SEMA6D: variants seen among roughly 807,000 people sequenced by gnomAD.
SEMA6D encodes semaphorin 6D, also known as semaphorin-6D.
A neutral mutation model predicts 106.6 loss-of-function variants in SEMA6D; 35 were observed. The observed-to-expected ratio is 0.33, with a 90% CI of 0.25 to 0.44. The LOEUF (loss-of-function observed/expected upper bound fraction) is 0.44. Ranked by LOEUF, SEMA6D falls within the 20% of genes least tolerant of loss-of-function variation. SEMA6D has a pLI of 1.00. For missense variants in SEMA6D, 1,185 were observed against 1,345.9 expected, an observed-to-expected ratio of 0.88 and a Z score of 1.87; for synonymous variants, 499 against 487.7, an observed-to-expected ratio of 1.02 and a Z score of -0.31.
intron 2 of SEMA6D, among the ~76,000 whole-genome samples, chr15:47,428,857 G>T (rs1316383870): frequency 6.6e-6 from 1 of 151,840 alleles, no homozygotes; most frequent in Non-Finnish European, 1.5e-5. Context: ...CAATACTCAG[G>T]TACTCAATAC....
chr15:47,298,681 C>T (rs926061751), intron 1 of SEMA6D, among the ~76,000 whole-genome samples: 7 of 152,180 alleles, frequency 4.6e-5, no homozygotes, highest in African/African-American at 1.2e-4. Context: ...TGCCAGTTTA[C>T]GGTTGTGTAT....
chr15:47,357,750 C>T (rs2038642290), intron 1 of SEMA6D, among the ~76,000 whole-genome samples: 1 of 152,136 alleles, frequency 6.6e-6, no homozygotes, highest in African/African-American at 2.4e-5. Flanking sequence ...TTGGCAACAC[C>T]CTCACAGACA....
intron 4 of SEMA6D, among the ~76,000 whole-genome samples, chr15:47,695,340 G>C (rs1055428530): frequency 5.3e-5 from 8 of 152,116 alleles, no homozygotes; most frequent in African/African-American, 1.9e-4. Flanking sequence ...TTTCCTAATA[G>C]GTTATAGGGA....
chr15:47,186,901 TGTCA>T (rs1474620091), intron 1 of SEMA6D, among the ~76,000 whole-genome samples: 4 of 152,238 alleles, frequency 2.6e-5, no homozygotes, highest in African/African-American at 7.2e-5. Context: ...TGGTCTCATT[TGTCA>T]GTCAGCAGTA....
intron 1 of SEMA6D, among the ~76,000 whole-genome samples, chr15:47,188,842 A>G (rs1893752250): frequency 6.6e-6 from 1 of 152,236 alleles, no homozygotes; most frequent in African/African-American, 2.4e-5. Context: ...AAAGGAGGCA[A>G]GATTTCTGAT....
chr15:47,282,939 CT>C (rs1415613359), intron 1 of SEMA6D, among the ~76,000 whole-genome samples: 14 of 152,192 alleles, frequency 9.2e-5, no homozygotes, highest in African/African-American at 3.4e-4. Flanking sequence ...GCTGTGCCCC[CT>C]CTCTCCTGCC....
chr15:47,547,560 G>A (rs2045560942), intron 3 of SEMA6D, among the ~76,000 whole-genome samples: 1 of 152,032 alleles, frequency 6.6e-6, no homozygotes, highest in African/African-American at 2.4e-5. Flanking sequence ...TTACCTTTCA[G>A]CATTTGGTAA....
intron 1 of SEMA6D, among the ~76,000 whole-genome samples, chr15:47,737,516 G>A (rs74011230): frequency 0.014 from 2,164 of 151,912 alleles, 55 homozygotes; most frequent in African/African-American, 0.049. Flanking sequence ...ATGCATCTCC[G>A]GTTTTATAAA....
At chr15:47,369,784 A>G (rs1464966419) in intron 1 of SEMA6D, among the ~76,000 whole-genome samples, 1 of 152,236 alleles carries the variant, frequency 6.6e-6, no homozygotes, top group Non-Finnish European at 1.5e-5. Context: ...TCCTGACTAG[A>G]TAATCTACAT....
chr15:47,657,600 G>T (rs540053634), intron 4 of SEMA6D, among the ~76,000 whole-genome samples: 1 of 150,324 alleles, frequency 6.7e-6, no homozygotes, highest in African/African-American at 2.5e-5. Flanking sequence ...TATAATGCAT[G>T]TTCTCCTTTT....
At chr15:47,520,405 C>A (rs2044535328) in intron 3 of SEMA6D, among the ~76,000 whole-genome samples, 1 of 151,736 alleles carries the variant, frequency 6.6e-6, no homozygotes, top group Admixed American at 6.6e-5. Context: ...CTTTTTTTTT[C>A]TTCACCACAT....
At chr15:47,197,400 C>T (rs190709498) in intron 1 of SEMA6D, among the ~76,000 whole-genome samples, 1 of 152,242 alleles carries the variant, frequency 6.6e-6, no homozygotes, top group African/African-American at 2.4e-5. Context: ...ATTAGGATGG[C>T]CCCTCAAATT....
At chr15:47,723,581 T>C (rs1389560568) in intron 1 of SEMA6D, among the ~76,000 whole-genome samples, 1 of 152,182 alleles carries the variant, frequency 6.6e-6, no homozygotes, top group Non-Finnish European at 1.5e-5. Context: ...AAAGTCTCTA[T>C]TAGATTGTAC....
chr15:47,622,038 A>T (rs1056253988), intron 4 of SEMA6D, among the ~76,000 whole-genome samples: 23 of 152,092 alleles, frequency 1.5e-4, no homozygotes, highest in African/African-American at 5.6e-4. Context: ...CCCTGGTGGC[A>T]CTACTGAGAG....
At chr15:47,560,284 A>G (rs1263965591) in intron 3 of SEMA6D, among the ~76,000 whole-genome samples, 2 of 152,052 alleles carry the variant, frequency 1.3e-5, no homozygotes, top group Admixed American at 6.6e-5. Context: ...AATAAGTTCC[A>G]TAAACTAAAG....
intron 4 of SEMA6D, among the ~76,000 whole-genome samples, chr15:47,705,958 C>G (rs1286556376): frequency 6.6e-6 from 1 of 152,186 alleles, no homozygotes; most frequent in African/African-American, 2.4e-5. Flanking sequence ...GAGCCCTTGT[C>G]CTAATCTACC....
intron 3 of SEMA6D, among the ~76,000 whole-genome samples, chr15:47,556,568 A>AT (rs1198682071): frequency 6.6e-6 from 1 of 151,878 alleles, no homozygotes; most frequent in Non-Finnish European, 1.5e-5. Flanking sequence ...ATTTTTTTCT[A>AT]TTTTTTTATT....
At chr15:47,440,296 C>T (rs1321367012) in intron 2 of SEMA6D, among the ~76,000 whole-genome samples, 2 of 104,226 alleles carry the variant, frequency 1.9e-5, no homozygotes, top group Non-Finnish European at 3.6e-5. Context: ...TTATCCTCAC[C>T]ATCAGTAAAG....
chr15:47,753,964 T>C (rs2081582556), intron 1 of SEMA6D, among the ~76,000 whole-genome samples: 1 of 152,226 alleles, frequency 6.6e-6, no homozygotes, highest in African/African-American at 2.4e-5. Flanking sequence ...GGGCTAGCGA[T>C]AAAGTAGGTC....
Sources: gnomAD v4.1 joint callset for allele counts (sites outside exome capture counted in the v4.1 genomes callset) on GRCh38, gnomAD v4.1.1 for gene constraint, MANE v1.5 for transcripts, NCBI Gene and HGNC (gene_info 2026-07-23, HGNC 2026-07-21) for gene names.